The following PCLO variants were observed in gnomAD, a reference collection of about 807,000 sequenced individuals.
The protein encoded by PCLO is piccolo presynaptic cytomatrix protein.
In PCLO, 82 loss-of-function variants were observed where a neutral mutation model predicts 427.5. The observed-to-expected ratio is 0.19, with a 90% CI of 0.16 to 0.23. The LOEUF (loss-of-function observed/expected upper bound fraction) is 0.23. Among genes scored for constraint, PCLO ranks in the 10% least tolerant of loss-of-function variants. PCLO has a pLI of 1.00. For synonymous variants in PCLO, 2,357 were observed against 2,155.4 expected (o/e 1.09, Z -2.59); for missense variants, 6,239 against 6,115.9 (o/e 1.02, Z -0.67).
chr7:82,897,801 T>C (rs1215045415), intron 9 of PCLO, among the ~76,000 whole-genome samples: 1 of 151,410 alleles, frequency 6.6e-6, no homozygotes, highest in Admixed American at 6.6e-5. Flanking sequence ...AAAAAGTATA[T>C]TTCCTTTTCG....
At chr7:82,928,533 A>G (rs1484488393) in intron 6 of PCLO, among the ~76,000 whole-genome samples, 1 of 152,062 alleles carries the variant, frequency 6.6e-6, no homozygotes, top group Non-Finnish European at 1.5e-5. Flanking sequence ...GGCACCTGCT[A>G]CCACGCTCGG....
Position 83,059,865 on chromosome 7 carries a change from C to T in PCLO, c.3300+74385G>A, listed in dbSNP as rs189253253. On this transcript the variant is annotated intron_variant, in intron 3 of 24. Transcript: ENST00000333891. ...TAATAACATGAAAGGAATTAAGGAA[C>T]ATTTAAGTCCTTTAGAAGTGTGCTG... 3.7e-4 allele frequency among the ~76,000 whole-genome samples: 56 copies of T among 152,218 alleles called. 1 individual carries two copies. Among genetic ancestry groups the T allele is most frequent in the Middle Eastern group, 3.4e-3 (1 of 294 alleles).
Position 82,970,867 on chromosome 7 carries a change from G to C in PCLO, c.3301-4380C>G, listed in dbSNP as rs1795886453. ...GAAATAACAGTAAATTTCCAAGAAAGTTTATTTTGGACAATATGGGTCATC... is the reference window on the plus strand; with the variant it reads ...GAAATAACAGTAAATTTCCAAGAAACTTTATTTTGGACAATATGGGTCATC... On this transcript the variant is annotated intron_variant, in intron 3 of 24. Coordinates refer to ENST00000333891, the MANE Select transcript of PCLO (RefSeq NM_033026.6). Among the ~76,000 whole-genome samples the C allele has an allele frequency of 2.0e-5, 3 of 151,706 alleles. No homozygotes were observed. In the South Asian group the frequency reaches 6.2e-4, roughly 31 times the overall value.
At chr7:82,805,952 C>T in intron 20 of PCLO, 123 bp from the exon 21 acceptor site, 3 of 901,636 alleles carry the variant, frequency 3.3e-6, no homozygotes, top group South Asian at 3.7e-5. Flanking sequence ...AAGAACTCTA[C>T]ATTTTTCAAC....
At chr7:82,902,612 A>G in intron 9 of PCLO, 39 bp downstream of exon 9, 1 of 1,248,022 alleles carries the variant, frequency 8.0e-7, no homozygotes, top group South Asian at 1.3e-5. Context: ...AACAAAACAA[A>G]AAAACAAAAA....
intron 7 of PCLO, chr7:82,914,381 G>C: frequency 1.9e-6 from 1 of 522,136 alleles, no homozygotes; most frequent in East Asian, 3.0e-5. Flanking sequence ...TGGATTTATA[G>C]GATGACCATA....
At position 83,079,726 on chromosome 7, in the gene PCLO, ATT is replaced by A. The variant is rs924555575; in HGVS notation, c.3300+54522_3300+54523del. Among the ~76,000 whole-genome samples the A allele has an allele frequency of 8.6e-4, 131 of 152,202 alleles. 2 individuals carry two copies. The highest frequency in any genetic ancestry group is 3.0e-3 in the African/African-American group (126 of 41,500). Reference sequence around the variant, plus strand: ...AGAGGATTTTTTTATTTCAATATTTATTTTAAGTTCTGGGGTACATGTACAGA... The same window carrying A: ...AGAGGATTTTTTTATTTCAATATTTATTAAGTTCTGGGGTACATGTACAGA... On this transcript the variant is annotated intron_variant, in intron 3 of 24. Transcript: ENST00000333891.
chr7:83,021,926 C>T (rs985233096), intron 3 of PCLO, among the ~76,000 whole-genome samples: 8 of 152,144 alleles, frequency 5.3e-5, no homozygotes, highest in Non-Finnish European at 1.2e-4. Flanking sequence ...GGCCTGCAAG[C>T]AAGCATTCTG....
At chr7:83,122,795 G>A (rs1276343915) in intron 3 of PCLO, among the ~76,000 whole-genome samples, 1 of 152,102 alleles carries the variant, frequency 6.6e-6, no homozygotes, top group Admixed American at 6.6e-5. Context: ...TAAATTTGTA[G>A]AATACAAAAT....
In PCLO at chr7:82,979,423, T is replaced by C. The variant is rs116150767; in HGVS notation, c.3301-12936A>G. Among the ~76,000 whole-genome samples, 632 of 152,308 alleles carry C rather than the reference T, an allele frequency of 4.1e-3. 2 individuals are homozygous for C. The highest frequency in any genetic ancestry group is 0.014 in the African/African-American group (583 of 41,578). On this transcript the variant is annotated intron_variant, in intron 3 of 24. Coordinates refer to ENST00000333891, the MANE Select transcript of PCLO (RefSeq NM_033026.6). ...TAGAAGAATATTGTAAATACAGCTA[T>C]ACAAACATACATCAAAATGTAAATT...
intron 1 of PCLO, among the ~76,000 whole-genome samples, chr7:83,160,886 G>T (rs1792418893): frequency 6.6e-6 from 1 of 152,086 alleles, no homozygotes; most frequent in Admixed American, 6.6e-5. Context: ...ATCATACCTT[G>T]TTATTATCCT....
chr7:82,983,563 T>G lies in PCLO; in HGVS notation c.3301-17076A>C, dbSNP rs1412291751. Among the ~76,000 whole-genome samples, 4 of 150,030 alleles carry G rather than the reference T, an allele frequency of 2.7e-5. No homozygotes were observed. The Admixed American group carries it at 2.7e-4, about 10-fold the overall frequency. The stretch of plus-strand genomic sequence containing the variant: ...ATGGCCTTAGCAAAAATATTACAGA[T>G]CTAGCTAAAATTATATTTTATAATT... On this transcript the variant is annotated intron_variant, in intron 3 of 24. Transcript: ENST00000333891.
chr7:83,036,648 A>G (rs1788803882), intron 3 of PCLO, among the ~76,000 whole-genome samples: 1 of 152,132 alleles, frequency 6.6e-6, no homozygotes, highest in Admixed American at 6.6e-5. Flanking sequence ...AGGCTCCAGT[A>G]CATAGCCCTA....
At position 82,998,391 on chromosome 7, in the gene PCLO, AAACAAC is replaced by A. The variant is rs79603092; in HGVS notation, c.3301-31910_3301-31905del. ...TCTCTCAACAAGGTCTGTCCTTTAA[AAACAAC>A]AACAACAACAACAACAACAACAACA... On this transcript the variant is annotated intron_variant, in intron 3 of 24. Transcript: ENST00000333891. Among the ~76,000 whole-genome samples, 695 of 149,282 alleles carry A rather than the reference AAACAAC, an allele frequency of 4.7e-3. 2 individuals carry two copies. Among genetic ancestry groups the A allele is most frequent in the South Asian group, 0.01 (47 of 4,692 alleles).
At position 82,949,934 on chromosome 7, in the gene PCLO, G is replaced by C; in HGVS notation, c.10654C>G (p.His3552Asp). 6.2e-7 allele frequency: 1 copy of C among 1,613,606 alleles called. No homozygotes were observed. The highest frequency in any genetic ancestry group is 8.5e-7 in the Non-Finnish European group (1 of 1,179,802). Residue 3552 changes from histidine to aspartate, a missense_variant, in exon 6 of 25, where the codon CAC (histidine) becomes GAC (aspartate). Physicochemically the swap from His to Asp is moderately conservative, Grantham distance 81. Coordinates refer to ENST00000333891, the MANE Select transcript of PCLO (RefSeq NM_033026.6). Reference sequence around the variant, plus strand: ...TAAGTCTTTTCAGGTGCTGAAATGTGTTTAATTATTTCTACCTTGGCATCC... The same window carrying C: ...TAAGTCTTTTCAGGTGCTGAAATGTCTTTAATTATTTCTACCTTGGCATCC... ...RVDAKVEIIK[H>D]ISAPEKTYKG...
chr7:82,850,938 C>T (rs1265089913), intron 10 of PCLO, among the ~76,000 whole-genome samples: 1 of 152,052 alleles, frequency 6.6e-6, no homozygotes, highest in Non-Finnish European at 1.5e-5. Context: ...ATTCATTAGT[C>T]ATTAGAAAGT....
intron 2 of PCLO, among the ~76,000 whole-genome samples, chr7:83,146,883 T>C (rs1792008918): frequency 6.6e-6 from 1 of 152,090 alleles, no homozygotes; most frequent in African/African-American, 2.4e-5. Context: ...ATTACAAGCA[T>C]GAGCCACCGC....
At chr7:82,813,723 C>T (rs1422939491) in intron 20 of PCLO, among the ~76,000 whole-genome samples, 1 of 151,656 alleles carries the variant, frequency 6.6e-6, no homozygotes, top group Non-Finnish European at 1.5e-5. Context: ...ATAATATCAG[C>T]AAATGTATGT....
Position 83,155,578 on chromosome 7 carries a change from G to C in PCLO, c.1063C>G (p.Pro355Ala). 1 of 1,613,028 alleles carries C rather than the reference G, an allele frequency of 6.2e-7. No homozygotes were observed. Among genetic ancestry groups the C allele is most frequent in the East Asian group, 2.2e-5 (1 of 44,748 alleles). The change falls in exon 2 of 25, where the codon CCA becomes GCA. Residue 355 changes from proline to alanine, a missense_variant. Pro to Ala is a conservative substitution (Grantham distance 27). This residue lies in a region of PCLO where 4,677 missense variants were observed against 4,468.4 expected (regional missense o/e 1.05). Transcript: ENST00000333891. ...QPGTVKPPVQPPGTTKPPAQP... is the reference protein window; with the variant it reads ...QPGTVKPPVQAPGTTKPPAQP... The stretch of plus-strand genomic sequence containing the variant: ...GCTGGAGGCTTTGTTGTCCCTGGTG[G>C]CTGGACTGGGGGTTTCACTGTCCCT...
Sources: allele counts gnomAD v4.1 joint callset (sites outside exome capture counted in the v4.1 genomes callset), GRCh38; gene constraint gnomAD v4.1.1; regional missense constraint gnomAD v4.1.1; transcripts MANE v1.5; gene names NCBI Gene and HGNC (gene_info 2026-07-23, HGNC 2026-07-21).